Variants in NELL1 observed in about 807,000 individuals in gnomAD.
The protein encoded by NELL1 is protein kinase C-binding protein NELL1.
A neutral mutation model predicts 107.4 loss-of-function variants in NELL1; 76 were observed. The observed-to-expected ratio is 0.71, with a 90% CI of 0.59 to 0.86. The LOEUF is 0.86. Among genes scored for constraint, NELL1 ranks in the 40% least tolerant of loss-of-function variants. The pLI is 0.00. For missense variants in NELL1, 1,024 were observed against 1,005.5 expected, an observed-to-expected ratio of 1.02 and a Z score of -0.25; for synonymous variants, 353 against 341.2, an observed-to-expected ratio of 1.03 and a Z score of -0.38.
At chr11:21,096,358 T>C (rs572081287) in intron 12 of NELL1, among the ~76,000 whole-genome samples, 3 of 152,314 alleles carry the variant, frequency 2.0e-5, no homozygotes, top group South Asian at 4.1e-4. Flanking sequence ...CTTTTTGAAT[T>C]CCTTTGGGGA....
intron 2 of NELL1, among the ~76,000 whole-genome samples, chr11:20,730,613 T>A (rs1157860327): frequency 6.6e-6 from 1 of 152,168 alleles, no homozygotes; most frequent in Non-Finnish European, 1.5e-5. Flanking sequence ...AGGCAAGCAG[T>A]GGTTGGTCCA....
At chr11:20,868,600 A>G (rs984419435) in intron 4 of NELL1, among the ~76,000 whole-genome samples, 6 of 152,188 alleles carry the variant, frequency 3.9e-5, no homozygotes, top group Non-Finnish European at 8.8e-5. Context: ...TGAAATATAT[A>G]GCTTAAATGG....
At chr11:20,882,859 T>A (rs1849435434) in intron 4 of NELL1, among the ~76,000 whole-genome samples, 1 of 152,216 alleles carries the variant, frequency 6.6e-6, no homozygotes, top group African/African-American at 2.4e-5. Context: ...TCTCTTTTAA[T>A]CTCCAACTGT....
At chr11:20,938,940 C>CTCTG (rs1216133538) in intron 10 of NELL1, among the ~76,000 whole-genome samples, 1,258 of 57,324 alleles carry the variant, frequency 0.022, 29 homozygotes, top group East Asian at 0.17. Context: ...CTCTCTCTCT[C>CTCTG]TGTGTGTGTG....
chr11:20,693,652 T>G (rs575711437), intron 2 of NELL1, among the ~76,000 whole-genome samples: 182 of 152,276 alleles, frequency 1.2e-3, no homozygotes, highest in African/African-American at 4.3e-3. Context: ...TGCCGAGAGA[T>G]CCGCTGTTAG....
chr11:21,181,144 G>A (rs1376592627), intron 13 of NELL1, among the ~76,000 whole-genome samples: 1 of 151,826 alleles, frequency 6.6e-6, no homozygotes, highest in African/African-American at 2.4e-5. Context: ...TAATTTATTT[G>A]TCATCATTGA....
chr11:21,483,165 T>G (rs184594157), intron 15 of NELL1, among the ~76,000 whole-genome samples: 1 of 152,264 alleles, frequency 6.6e-6, no homozygotes, highest in Admixed American at 6.5e-5. Context: ...AGCTGCTCTG[T>G]ATTGATGGTG....
intron 13 of NELL1, among the ~76,000 whole-genome samples, chr11:21,217,121 C>T (rs1042669847): frequency 6.6e-6 from 1 of 152,066 alleles, no homozygotes; most frequent in South Asian, 2.1e-4. Context: ...GGGCTATTCC[C>T]CCCTCCTTCA....
At chr11:21,494,030 T>A (rs1481273298) in intron 15 of NELL1, among the ~76,000 whole-genome samples, 1 of 151,936 alleles carries the variant, frequency 6.6e-6, no homozygotes, top group Non-Finnish European at 1.5e-5. Context: ...TCATAACCAG[T>A]GTTTCTGTAG....
chr11:20,886,348 A>G (rs1849508037), intron 5 of NELL1, among the ~76,000 whole-genome samples: 1 of 152,190 alleles, frequency 6.6e-6, no homozygotes, highest in African/African-American at 2.4e-5. Flanking sequence ...ATGAAATTTT[A>G]AGACAGTCTT....
At chr11:20,843,251 C>T (rs1178647570) in intron 3 of NELL1, among the ~76,000 whole-genome samples, 1 of 151,998 alleles carries the variant, frequency 6.6e-6, no homozygotes, top group Non-Finnish European at 1.5e-5. Context: ...TTTGACCTCC[C>T]CACCCAGACT....
At chr11:20,825,317 A>G (rs1276101122) in intron 3 of NELL1, among the ~76,000 whole-genome samples, 1 of 151,240 alleles carries the variant, frequency 6.6e-6, no homozygotes, top group East Asian at 1.9e-4. Context: ...GAAGAGGGCA[A>G]CTGTCCTCCA....
At chr11:20,801,837 T>C (rs571838636) in intron 3 of NELL1, among the ~76,000 whole-genome samples, 18 of 152,224 alleles carry the variant, frequency 1.2e-4, no homozygotes, top group Non-Finnish European at 2.6e-4. Flanking sequence ...GAAGAGACTG[T>C]CCTTTCTTTC....
chr11:20,674,576 G>A, intron 1 of NELL1: 2 of 1,491,628 alleles, frequency 1.3e-6, no homozygotes, highest in East Asian at 2.5e-5. Context: ...CAGGGAGGCA[G>A]GTATTAACGT....
intron 2 of NELL1, among the ~76,000 whole-genome samples, chr11:20,780,666 A>G (rs1033469166): frequency 6.6e-6 from 1 of 152,224 alleles, no homozygotes; most frequent in African/African-American, 2.4e-5. Context: ...AAGTCAAATG[A>G]AGAAAATACC....
chr11:20,724,651 A>C (rs1855468375), intron 2 of NELL1, among the ~76,000 whole-genome samples: 1 of 152,180 alleles, frequency 6.6e-6, no homozygotes, highest in Non-Finnish European at 1.5e-5. Flanking sequence ...CATTTGGTCA[A>C]AACCATTCAA....
At chr11:21,149,661 C>T (rs993117514) in intron 13 of NELL1, among the ~76,000 whole-genome samples, 1 of 152,268 alleles carries the variant, frequency 6.6e-6, no homozygotes, top group Middle Eastern at 3.4e-3. Context: ...AAACAGTCTT[C>T]ATTTGTTTTT....
intron 5 of NELL1, among the ~76,000 whole-genome samples, chr11:20,915,976 T>C (rs1388148673): frequency 2.6e-5 from 4 of 151,486 alleles, no homozygotes; most frequent in African/African-American, 7.3e-5. Context: ...TCAGACATCT[T>C]TAGATTATAA....
At chr11:21,147,152 G>C (rs1277633102) in intron 13 of NELL1, among the ~76,000 whole-genome samples, 1 of 152,206 alleles carries the variant, frequency 6.6e-6, no homozygotes, top group Non-Finnish European at 1.5e-5. Context: ...CTTTTAGTGA[G>C]AGTGATAGTA....
Sources: allele counts gnomAD v4.1 joint callset (sites outside exome capture counted in the v4.1 genomes callset), GRCh38; gene constraint gnomAD v4.1.1; transcripts MANE v1.5; gene names NCBI Gene and HGNC (gene_info 2026-07-23, HGNC 2026-07-21).